Variants in SYTL5 observed in about 807,000 individuals in gnomAD.
SYTL5 encodes the protein synaptotagmin like 5.
SYTL5 carries 34 observed loss-of-function variants against 55.9 expected under a neutral mutation model. The ratio of observed to expected loss-of-function variants is 0.61; its 90% confidence interval spans 0.46 to 0.81. The LOEUF is 0.81. Ranked by LOEUF, SYTL5 falls within the 30% of genes least tolerant of loss-of-function variation. The probability of loss-of-function intolerance (pLI) is 0.00; values close to 1 mark genes in which losing one functional copy is unlikely to be tolerated. For synonymous variants in SYTL5, 221 were observed against 188.7 expected (o/e 1.17, Z -1.40); for missense variants, 637 against 546.7 (o/e 1.17, Z -1.65).
chrX:38,026,572 G>A (rs1161181243), intron 1 of SYTL5, among the ~76,000 whole-genome samples: 1 of 112,004 alleles, frequency 8.9e-6, no homozygotes, highest in Non-Finnish European at 1.9e-5. Flanking sequence ...AAGGGCTGTT[G>A]GTTGTCCATT....
At chrX:37,892,000 T>C in the SYTL5 span, among the ~76,000 whole-genome samples, 127 of 111,891 alleles carry the variant, frequency 1.1e-3, no homozygotes, top group African/African-American at 4.0e-3. Flanking sequence ...TGTGGTTTAA[T>C]TCAAAAACTA....
the SYTL5 span, among the ~76,000 whole-genome samples, chrX:37,981,868 G>A: frequency 1.8e-5 from 2 of 111,695 alleles, no homozygotes; most frequent in Admixed American, 9.5e-5. Context: ...AAGAGAGGGA[G>A]AGTGGGTTGA....
chrX:38,109,810 C>A (rs1569190017), intron 12 of SYTL5, among the ~76,000 whole-genome samples: 2 of 110,818 alleles, frequency 1.8e-5, no homozygotes, highest in Non-Finnish European at 3.8e-5. Flanking sequence ...TATCTTCTTT[C>A]TGTTTAATAT....
At chrX:38,050,354 A>G (rs944226074) in intron 2 of SYTL5, among the ~76,000 whole-genome samples, 4 of 112,201 alleles carry the variant, frequency 3.6e-5, no homozygotes, top group African/African-American at 1.3e-4. Context: ...TTTTTAATAC[A>G]TGGAACATTT....
chrX:38,087,032 T>C (rs1304215333), intron 6 of SYTL5, among the ~76,000 whole-genome samples: 2 of 111,366 alleles, frequency 1.8e-5, no homozygotes, highest in African/African-American at 3.3e-5. Flanking sequence ...TCTACATAAG[T>C]AGCACTTTTG....
chrX:37,920,895 C>T, the SYTL5 span, among the ~76,000 whole-genome samples: 2 of 111,485 alleles, frequency 1.8e-5, no homozygotes, highest in Non-Finnish European at 3.8e-5. Context: ...CCTGGAGCTT[C>T]CTTCACAGGC....
At chrX:37,979,530 A>T in the SYTL5 span, among the ~76,000 whole-genome samples, 1 of 96,843 alleles carries the variant, frequency 1.0e-5, no homozygotes, top group East Asian at 3.2e-4. Context: ...AATAAAGCAT[A>T]CTAGATAGAC....
chrX:37,977,533 C>T, the SYTL5 span, among the ~76,000 whole-genome samples: 1 of 109,301 alleles, frequency 9.1e-6, no homozygotes, highest in Non-Finnish European at 1.9e-5. Context: ...AGGAATAATG[C>T]AAGGGAGGTA....
At chrX:38,094,447 C>T (rs758405948) in intron 8 of SYTL5, 23 bp downstream of exon 8, 2 of 1,175,258 alleles carry the variant, frequency 1.7e-6, no homozygotes, top group Admixed American at 2.2e-5. Flanking sequence ...AATGTGCCTA[C>T]TTTGTTGTTT....
At chrX:38,119,184 G>A (rs1937541853) in intron 13 of SYTL5, among the ~76,000 whole-genome samples, 1 of 110,212 alleles carries the variant, frequency 9.1e-6, no homozygotes, top group Non-Finnish European at 1.9e-5. Context: ...ACTCATTTGT[G>A]TGTGTGTGTG....
At chrX:38,034,633 T>C (rs1009326607) in intron 2 of SYTL5, among the ~76,000 whole-genome samples, 5 of 111,990 alleles carry the variant, frequency 4.5e-5, no homozygotes, top group Non-Finnish European at 9.4e-5. Context: ...AGTTGAACGA[T>C]GTGGGCACAG....
intron 3 of SYTL5, among the ~76,000 whole-genome samples, chrX:38,065,146 G>C (rs1936063328): frequency 9.0e-6 from 1 of 111,419 alleles, no homozygotes; most frequent in Non-Finnish European, 1.9e-5. Context: ...TGGTATTCTT[G>C]AACTCTAAAT....
At chrX:38,120,588 G>C (rs1937560983) in intron 14 of SYTL5, 122 bp downstream of exon 14, 1 of 525,593 alleles carries the variant, frequency 1.9e-6, no homozygotes, top group East Asian at 3.5e-5. Context: ...TAAAGGGTTT[G>C]GTGTCACTGT....
the SYTL5 span, among the ~76,000 whole-genome samples, chrX:37,902,692 AG>A: frequency 1.8e-5 from 2 of 111,885 alleles, no homozygotes; most frequent in Non-Finnish European, 3.8e-5. Flanking sequence ...AACAAAACAA[AG>A]AACAAAAACC....
At chrX:37,973,540 C>G in the SYTL5 span, among the ~76,000 whole-genome samples, 1 of 111,774 alleles carries the variant, frequency 8.9e-6, no homozygotes, top group Non-Finnish European at 1.9e-5. Context: ...CCTCACTTCC[C>G]ATTCCCCACT....
the SYTL5 span, among the ~76,000 whole-genome samples, chrX:37,976,237 G>C: frequency 1.8e-5 from 2 of 112,689 alleles, no homozygotes; most frequent in Admixed American, 9.4e-5. Context: ...GACTTCAACT[G>C]TTATCAAGAA....
Position 38,094,291 on chromosome X carries a change from G to A in SYTL5, c.832-4G>A. The A allele has an allele frequency of 8.4e-7, 1 of 1,189,309 alleles. No individual in the cohort carries two copies. Among genetic ancestry groups the A allele is most frequent in the Non-Finnish European group, 1.1e-6 (1 of 879,769 alleles). ...TTTTTTTCTCATTTTTACTTTGTGG[G>A]AAGGAGTATGGTTTTGAAAATTCCA... On this transcript the variant is annotated splice_region_variant and splice_polypyrimidine_tract_variant and intron_variant, in intron 7 of 16. Coordinates refer to ENST00000297875, the MANE Select transcript of SYTL5 (RefSeq NM_138780.3).
the SYTL5 span, chrX:37,946,815 G>A: frequency 3.5e-5 from 4 of 113,501 alleles, no homozygotes; most frequent in Non-Finnish European, 7.4e-5. Flanking sequence ...ACATTTTCCT[G>A]AATTGAAACT....
At chrX:38,038,318 T>C (rs1935176127) in intron 2 of SYTL5, among the ~76,000 whole-genome samples, 1 of 111,801 alleles carries the variant, frequency 8.9e-6, no homozygotes, top group African/African-American at 3.3e-5. Context: ...TCATCCTGAC[T>C]CTGTACCCCC....
Sources: gnomAD v4.1 joint callset for allele counts (sites outside exome capture counted in the v4.1 genomes callset) on GRCh38, gnomAD v4.1.1 for gene constraint, MANE v1.5 for transcripts, NCBI Gene and HGNC (gene_info 2026-07-23, HGNC 2026-07-21) for gene names.